OR7E24: variants seen among roughly 807,000 people sequenced by gnomAD.
OR7E24 encodes the protein olfactory receptor family 7 subfamily E member 24.
For synonymous variants in OR7E24, 130 were observed against 157.5 expected (o/e 0.83, Z 1.31); for missense variants, 385 against 410.3 (o/e 0.94, Z 0.53).
At chr19:9,243,413 A>G (rs931482754), upstream of OR7E24, among the ~76,000 whole-genome samples, 6 of 151,070 alleles carry the variant, frequency 4.0e-5, no homozygotes, top group Admixed American at 6.6e-5. Context: ...GCTCACTGAA[A>G]TCTTGAACTC....
chr19:9,231,846 G>A, the OR7E24 span, among the ~76,000 whole-genome samples: 4 of 151,942 alleles, frequency 2.6e-5, no homozygotes, highest in Non-Finnish European at 5.9e-5. Context: ...TAACTTTACT[G>A]TTCAATTTAG....
At chr19:9,225,096 C>T in the OR7E24 span, among the ~76,000 whole-genome samples, 6 of 151,844 alleles carry the variant, frequency 4.0e-5, no homozygotes, top group Non-Finnish European at 8.8e-5. Context: ...GAGGGGAGGT[C>T]GGGTGCGGTG....
At chr19:9,232,438 T>C in the OR7E24 span, among the ~76,000 whole-genome samples, 11 of 147,076 alleles carry the variant, frequency 7.5e-5, no homozygotes, top group African/African-American at 2.8e-4. Flanking sequence ...TTCAGGAGGC[T>C]GAGGCAGGAG....
At chr19:9,219,509 C>T in the OR7E24 span, 51 of 152,346 alleles carry the variant, frequency 3.3e-4, no homozygotes, top group African/African-American at 1.2e-3. Context: ...CCTTCTTACC[C>T]CACCAGCCCT....
Position 9,251,825 on chromosome 19 carries a change from C to T in OR7E24, c.782C>T (p.Ser261Phe), listed in dbSNP as rs199799172. 1,158 of 1,613,568 alleles carry T rather than the reference C, an allele frequency of 7.2e-4. 1 individual carries two copies. The highest frequency in any genetic ancestry group is 9.4e-4 in the Non-Finnish European group (1,113 of 1,179,784). The change falls in exon 1 of 1, where the codon TCT becomes TTT. Residue 261 changes from serine (S) to phenylalanine (F), a missense_variant. Transcript: ENST00000456448. Reference sequence around the variant, plus strand: ...TATAAAGCCTTCTCCACCTGTGGCTCTCACCTGGCAGTTGTTTGCTTATTT... The same window carrying T: ...TATAAAGCCTTCTCCACCTGTGGCTTTCACCTGGCAGTTGTTTGCTTATTT... Reference protein sequence around the residue: ...GKYKAFSTCGSHLAVVCLFYG... With the variant: ...GKYKAFSTCGFHLAVVCLFYG...
the OR7E24 span, among the ~76,000 whole-genome samples, chr19:9,239,592 C>T: frequency 6.6e-6 from 1 of 152,044 alleles, no homozygotes; most frequent in East Asian, 1.9e-4. Context: ...TGTTAATTTG[C>T]ATGCCTTCTT....
upstream of OR7E24, among the ~76,000 whole-genome samples, chr19:9,246,975 T>C (rs995039841): frequency 2.0e-5 from 3 of 152,210 alleles, no homozygotes; most frequent in Non-Finnish European, 2.9e-5. Context: ...CACTGAGCTA[T>C]ATACTTTAAA....
chr19:9,247,298 C>A (rs1599233302), upstream of OR7E24: 2 of 392,164 alleles, frequency 5.1e-6, no homozygotes, highest in East Asian at 7.2e-5. Context: ...GCCCCCAAGG[C>A]CCTAGAATAG....
chr19:9,225,201 C>T, the OR7E24 span, among the ~76,000 whole-genome samples: 3 of 151,930 alleles, frequency 2.0e-5, no homozygotes, highest in Non-Finnish European at 2.9e-5. Context: ...ATGGGGAAAC[C>T]CCATCTCTAC....
At chr19:9,248,737 A>G (rs548921947), upstream of OR7E24, among the ~76,000 whole-genome samples, 1 of 152,346 alleles carries the variant, frequency 6.6e-6, no homozygotes, top group Admixed American at 6.5e-5. Flanking sequence ...AAGGAGAAAT[A>G]AAATCAGGGT....
chr19:9,235,180 C>T, the OR7E24 span: 3 of 1,390,740 alleles, frequency 2.2e-6, no homozygotes, highest in African/African-American at 2.8e-5. Context: ...ATCAGAATTC[C>T]TCCTCTTAGG....
chr19:9,229,155 G>A, the OR7E24 span, among the ~76,000 whole-genome samples: 1 of 152,138 alleles, frequency 6.6e-6, no homozygotes, highest in Non-Finnish European at 1.5e-5. Context: ...TGGACACCAA[G>A]GGATCCATAA....
upstream of OR7E24, among the ~76,000 whole-genome samples, chr19:9,246,214 C>A (rs2066129428): frequency 6.6e-6 from 1 of 151,434 alleles, no homozygotes; most frequent in African/African-American, 2.4e-5. Flanking sequence ...GGATTACAGG[C>A]ACGGGCCACC....
upstream of OR7E24, among the ~76,000 whole-genome samples, chr19:9,246,643 C>T (rs561941386): frequency 1.5e-4 from 23 of 152,238 alleles, no homozygotes; most frequent in African/African-American, 5.5e-4. Context: ...CAATGAGATC[C>T]ATCCATACAA....
At chr19:9,237,288 G>GT in the OR7E24 span, among the ~76,000 whole-genome samples, 3 of 150,040 alleles carry the variant, frequency 2.0e-5, no homozygotes, top group East Asian at 1.9e-4. Context: ...GTTCCTCTAG[G>GT]TTTTTTTAAA....
At chr19:9,233,773 C>A in the OR7E24 span, among the ~76,000 whole-genome samples, 1 of 152,148 alleles carries the variant, frequency 6.6e-6, no homozygotes, top group South Asian at 2.1e-4. Flanking sequence ...CCGTTGTATG[C>A]CACAGAAACC....
the OR7E24 span, among the ~76,000 whole-genome samples, chr19:9,226,727 C>A: frequency 1.3e-5 from 2 of 152,128 alleles, no homozygotes; most frequent in Admixed American, 1.3e-4. Context: ...CCCAATTAGA[C>A]AAGGAGGAAA....
upstream of OR7E24, among the ~76,000 whole-genome samples, chr19:9,243,344 A>ATTT (rs58510880): frequency 3.2e-4 from 45 of 139,006 alleles, no homozygotes; most frequent in East Asian, 1.1e-3. Flanking sequence ...TTGCTCTGGC[A>ATTT]TTTTTTTTTT....
At position 9,251,568 on chromosome 19, in the gene OR7E24, G is replaced by T. The variant is rs759302856; in HGVS notation, c.525G>T (p.Gln175His). 6.2e-7 allele frequency: 1 copy of T among 1,613,908 alleles called. No homozygotes were observed. The highest frequency in any genetic ancestry group is 1.7e-5 in the Admixed American group (1 of 60,004). The change falls in exon 1 of 1, where the codon CAG (glutamine) becomes CAT (histidine). Residue 175 changes from glutamine (Q) to histidine (H), a missense_variant. By Grantham distance (24) the Gln-to-His change is conservative. Transcript: ENST00000456448. ...LSFFISLLDS[Q>H]LHNLIMLQLT... ...TTTTTATTAGTCTTTTGGACTCCCA[G>T]TTGCACAATTTGATTATGTTACAGC...
Sources: allele counts gnomAD v4.1 joint callset (sites outside exome capture counted in the v4.1 genomes callset), GRCh38; gene constraint gnomAD v4.1.1; transcripts MANE v1.5; gene names NCBI Gene and HGNC (gene_info 2026-07-23, HGNC 2026-07-21).